The following PYY variants were observed in gnomAD, a reference collection of about 807,000 sequenced individuals.
The protein encoded by PYY is peptide tyrosine tyrosine.
PYY carries 12 observed loss-of-function variants against 10.3 expected under a neutral mutation model. The observed-to-expected ratio is 1.17, with a 90% CI of 0.75 to 1.89. The LOEUF is 1.89. Among genes scored for constraint, PYY ranks in the 40% most tolerant of loss-of-function variants. The pLI is 0.00. For missense variants in PYY, 141 were observed against 134.0 expected (o/e 1.05, Z -0.26); for synonymous variants, 66 against 62.0 (o/e 1.06, Z -0.30).
intron 2 of PYY, among the ~76,000 whole-genome samples, chr17:43,963,612 AAGAAAG>A (rs1244740231): frequency 1.0e-5 from 1 of 99,460 alleles, no homozygotes; most frequent in Non-Finnish European, 2.4e-5. Context: ...GAAAGAAAGA[AAGAAAG>A]AAAGAAAGAG....
intron 1 of PYY, among the ~76,000 whole-genome samples, chr17:43,988,769 C>CT (rs11336147): frequency 0.15 from 21,039 of 137,178 alleles, 2,625 homozygotes; most frequent in East Asian, 0.62. Flanking sequence ...TTCTTTCTGT[C>CT]TTTTTTTTTT....
At chr17:44,000,884 G>A (rs1221398126) in intron 1 of PYY, among the ~76,000 whole-genome samples, 5 of 152,058 alleles carry the variant, frequency 3.3e-5, no homozygotes, top group South Asian at 2.1e-4. Flanking sequence ...GTATCCAAAC[G>A]TGTATGAGTG....
In PYY at chr17:43,953,293, C is replaced by T. The variant is rs199868856; in HGVS notation, c.188+3G>A. On this transcript the variant is annotated splice_donor_region_variant and intron_variant, in intron 2 of 3. Transcript: ENST00000692052. ...AGGGGTCCCGCTCCGCGCCTGCGCT[C>T]ACCGCTGCCGGGTGACCAGGTTGAG... 256 of 1,611,458 alleles carry T rather than the reference C, an allele frequency of 1.6e-4. No individual in the cohort carries two copies. The highest frequency in any genetic ancestry group is 6.0e-4 in the Admixed American group (36 of 59,714).
At position 43,989,809 on chromosome 17, in the gene PYY, TAAAAA is replaced by T. The variant is rs1174890162; in HGVS notation, c.-463+14577_-463+14581del. Among the ~76,000 whole-genome samples, 92 of 10,492 alleles carry T rather than the reference TAAAAA, an allele frequency of 8.8e-3. 7 individuals carry two copies. Among genetic ancestry groups the T allele is most frequent in the Non-Finnish European group, 0.011 (67 of 6,140 alleles). The allele number at this position is 10,492 out of a possible 152,430, so 6.9% of individuals were successfully genotyped here. A position where few individuals can be genotyped will look rare whatever the true frequency, so the allele number is the denominator to read the frequency against. On this transcript the variant is annotated intron_variant, in intron 1 of 6. Transcript: ENST00000360085. ...GAGACAGACCAAGAGGCTGTCTCTT[TAAAAA>T]AAAAAAAAAAAAAAAAAAAAAAAAA...
chr17:43,994,723 C>A (rs531408021), intron 1 of PYY, among the ~76,000 whole-genome samples: 1 of 152,322 alleles, frequency 6.6e-6, no homozygotes, highest in Non-Finnish European at 1.5e-5. Flanking sequence ...CTCTCAACGC[C>A]TTTGCCCCTG....
chr17:43,952,827 G>C lies in PYY; in HGVS notation c.*129C>G, dbSNP rs554279006. ...GGGGCGGGGGCACCGAGACGCGGGC[G>C]GAGGGCCGCACCCGAACCCTGCCCA... On this transcript the variant is annotated 3_prime_UTR_variant, in exon 4 of 4. Coordinates refer to ENST00000692052, the MANE Select transcript of PYY (RefSeq NM_001394028.1). The C allele has an allele frequency of 1.1e-5, 11 of 1,026,704 alleles. No homozygotes were observed. Among genetic ancestry groups the C allele is most frequent in the Non-Finnish European group, 1.4e-5 (10 of 723,046 alleles). The allele number at this position is 1,026,704 out of a possible 1,614,324, so 63.6% of individuals were successfully genotyped here.
intron 1 of PYY, among the ~76,000 whole-genome samples, chr17:43,995,829 G>GAAAAA (rs573860516): frequency 1.0e-5 from 1 of 97,802 alleles, no homozygotes; most frequent in Non-Finnish European, 2.0e-5. Flanking sequence ...CCATCTCAAT[G>GAAAAA]AAAAAAAAAA....
chr17:43,953,523 C>T, intron 1 of PYY, 40 bp from the exon 2 acceptor site: 2 of 1,512,128 alleles, frequency 1.3e-6, no homozygotes, highest in Non-Finnish European at 1.8e-6. Flanking sequence ...TTCCAAGCCT[C>T]GACCCTACAC....
At chr17:43,992,981 T>C (rs965193973) in intron 1 of PYY, among the ~76,000 whole-genome samples, 1 of 152,158 alleles carries the variant, frequency 6.6e-6, no homozygotes, top group Non-Finnish European at 1.5e-5. Flanking sequence ...TGTGGTGCTT[T>C]GTTATGGTAG....
chr17:43,956,170 C>A (rs1472094320), upstream of PYY, among the ~76,000 whole-genome samples: 2 of 151,998 alleles, frequency 1.3e-5, no homozygotes. Context: ...GGGCTACAAC[C>A]TCTGAAGAAG....
At chr17:43,974,712 C>A (rs2143924818) in intron 1 of PYY, among the ~76,000 whole-genome samples, 1 of 152,222 alleles carries the variant, frequency 6.6e-6, no homozygotes, top group East Asian at 1.9e-4. Context: ...GTGGAGTTAT[C>A]TTTTGTTGCG....
chr17:43,983,457 G>A (rs1171104668), intron 1 of PYY, among the ~76,000 whole-genome samples: 1 of 152,170 alleles, frequency 6.6e-6, no homozygotes, highest in Non-Finnish European at 1.5e-5. Context: ...TGCTGAGAAC[G>A]GGAAGCTGGA....
chr17:43,972,869 C>G (rs936334366), intron 1 of PYY, among the ~76,000 whole-genome samples: 2 of 152,056 alleles, frequency 1.3e-5, no homozygotes, highest in Non-Finnish European at 2.9e-5. Flanking sequence ...GGCGTGCCAC[C>G]AAGCCCACCT....
intron 1 of PYY, among the ~76,000 whole-genome samples, chr17:43,985,158 C>T (rs2048907874): frequency 6.6e-6 from 1 of 152,054 alleles, no homozygotes; most frequent in African/African-American, 2.4e-5. Context: ...TGAAGAGTAC[C>T]TACAAGTAAT....
At chr17:43,984,579 G>A (rs1234643952) in intron 1 of PYY, among the ~76,000 whole-genome samples, 1 of 152,222 alleles carries the variant, frequency 6.6e-6, no homozygotes, top group Non-Finnish European at 1.5e-5. Flanking sequence ...AGGGCTTGCA[G>A]CTGGCCAGTG....
At chr17:43,956,221 T>G (rs1393094558), upstream of PYY, among the ~76,000 whole-genome samples, 1 of 152,020 alleles carries the variant, frequency 6.6e-6, no homozygotes, top group African/African-American at 2.4e-5. Context: ...GGCCCCTAGG[T>G]GGTCTCAGTG....
upstream of PYY, among the ~76,000 whole-genome samples, chr17:43,956,903 C>G (rs1311380666): frequency 7.1e-6 from 1 of 140,342 alleles, no homozygotes; most frequent in East Asian, 2.2e-4. Flanking sequence ...GGTTGTCATA[C>G]AGCAAGTGTA....
chr17:43,976,228 T>TACGTATATACAC lies in PYY; in HGVS notation c.-462-9697_-462-9696insGTGTATATACGT, dbSNP rs1567932156. The stretch of plus-strand genomic sequence containing the variant: ...ACATATACGTATATGTATACATATA[T>TACGTATATACAC]ACATATGCGTATATATACACATATG... On this transcript the variant is annotated intron_variant, in intron 1 of 6. Coordinates refer to the PYY transcript ENST00000360085. Among the ~76,000 whole-genome samples the TACGTATATACAC allele has an allele frequency of 2.1e-5, 3 of 143,930 alleles. 1 individual carries two copies. The highest frequency in any genetic ancestry group is 5.4e-5 in the African/African-American group (2 of 37,074). 94.4% of individuals were successfully genotyped at this position (143,930 alleles called of 152,430 possible).
In PYY at chr17:43,953,100, C is replaced by T. The variant is rs1342550120; in HGVS notation, c.269+9G>A. 1.9e-6 allele frequency: 3 copies of T among 1,613,440 alleles called. No homozygotes were observed. The highest frequency in any genetic ancestry group is 2.7e-5 in the African/African-American group (2 of 74,904). On this transcript the variant is annotated intron_variant, in intron 3 of 3. Coordinates refer to ENST00000692052, the MANE Select transcript of PYY (RefSeq NM_001394028.1). ...CGGATGCAGGATGTGTGGTAACGGG[C>T]GCTTTTACCGCGACCTGACGGGGCG...
Sources: gnomAD v4.1 joint callset for allele counts (sites outside exome capture counted in the v4.1 genomes callset) on GRCh38, gnomAD v4.1.1 for gene constraint, MANE v1.5 for transcripts, NCBI Gene and HGNC (gene_info 2026-07-23, HGNC 2026-07-21) for gene names.